The following PRKG1 variants were observed in gnomAD, a reference collection of about 807,000 sequenced individuals.
The protein encoded by PRKG1 is cGMP-dependent protein kinase 1.
A neutral mutation model predicts 88.1 loss-of-function variants in PRKG1; 35 were observed. The ratio of observed to expected loss-of-function variants is 0.40; its 90% CI spans 0.30 to 0.53. The LOEUF is 0.53. PRKG1 is among the 20% of genes least tolerant of loss of function. The pLI, the probability that PRKG1 is intolerant of heterozygous loss-of-function variation, is 0.59. For synonymous variants in PRKG1, 303 were observed against 292.5 expected, an observed-to-expected ratio of 1.04 and a Z score of -0.37; for missense variants, 540 against 839.8, an observed-to-expected ratio of 0.64 and a Z score of 4.41.
At chr10:52,217,466 C>T (rs1306352110) in intron 9 of PRKG1, among the ~76,000 whole-genome samples, 2 of 151,912 alleles carry the variant, frequency 1.3e-5, no homozygotes, top group South Asian at 2.1e-4. Context: ...TAAAGCAAAC[C>T]ACATCACTCT....
chr10:51,405,637 A>G (rs577024930), intron 2 of PRKG1, among the ~76,000 whole-genome samples: 1 of 152,324 alleles, frequency 6.6e-6, no homozygotes, highest in Admixed American at 6.5e-5. Flanking sequence ...AACTTTTACT[A>G]GGATCCAAAT....
At chr10:51,944,652 G>A (rs950573118) in intron 5 of PRKG1, among the ~76,000 whole-genome samples, 1 of 151,956 alleles carries the variant, frequency 6.6e-6, no homozygotes, top group Non-Finnish European at 1.5e-5. Context: ...CTGGTATGTT[G>A]TGTCTTTGTT....
rs979200222 is a variant in PRKG1, at chr10:51,743,594, C to G, written c.593-60991C>G. 3.4e-5 allele frequency among the ~76,000 whole-genome samples: 5 copies of G among 145,578 alleles called. No individual in the cohort carries two copies. The Admixed American group carries it at 3.5e-4, about 10-fold the overall frequency. ...CCAAAAATCATTTTTCTCTCTTCCTCTTTCTCTACCTTTATTTCTCCCCAC... is the reference window on the plus strand; with the variant it reads ...CCAAAAATCATTTTTCTCTCTTCCTGTTTCTCTACCTTTATTTCTCCCCAC... On this transcript the variant is annotated intron_variant, in intron 3 of 17. Coordinates refer to ENST00000373980, the MANE Select transcript of PRKG1 (RefSeq NM_006258.4).
intron 3 of PRKG1, among the ~76,000 whole-genome samples, chr10:51,613,589 A>G (rs968925321): frequency 4.0e-5 from 6 of 150,674 alleles, no homozygotes; most frequent in African/African-American, 1.5e-4. Flanking sequence ...TTTCTAGTTT[A>G]TTTGAAATTT....
At chr10:51,752,325 A>T (rs1402556170) in intron 3 of PRKG1, among the ~76,000 whole-genome samples, 2 of 152,202 alleles carry the variant, frequency 1.3e-5, no homozygotes, top group Non-Finnish European at 2.9e-5. Context: ...TGAAGTATGA[A>T]AACCTGTGCA....
intron 2 of PRKG1, among the ~76,000 whole-genome samples, chr10:51,423,016 G>T (rs905060288): frequency 4.7e-5 from 7 of 147,886 alleles, no homozygotes; most frequent in African/African-American, 1.7e-4. Context: ...AAACACCAAT[G>T]TACCGGTTCC....
intron 2 of PRKG1, among the ~76,000 whole-genome samples, chr10:51,314,974 A>G (rs1230158440): frequency 6.6e-6 from 1 of 152,224 alleles, no homozygotes; most frequent in Non-Finnish European, 1.5e-5. Context: ...TAATTAGTGT[A>G]AAAGTTGAAC....
intron 8 of PRKG1, among the ~76,000 whole-genome samples, chr10:52,142,016 C>G (rs1337595344): frequency 6.6e-6 from 1 of 152,100 alleles, no homozygotes; most frequent in Non-Finnish European, 1.5e-5. Flanking sequence ...CAGGTATACT[C>G]AAATCACACT....
rs184196554 is a variant in PRKG1 at position 52,085,798 on chromosome 10, T to C, written c.935+23167T>C. ...CCTCAGAATTCCTTCTTGTATCCCC[T>C]ATTTTATATTTGCATTCCCCCTTTC... is the stretch of plus-strand genomic sequence containing the variant. On this transcript the variant is annotated intron_variant, in intron 7 of 17. Coordinates refer to ENST00000373980, the MANE Select transcript of PRKG1 (RefSeq NM_006258.4). Among the ~76,000 whole-genome samples, 1,009 of 152,262 alleles carry C rather than the reference T, an allele frequency of 6.6e-3. 4 individuals carry two copies. Among genetic ancestry groups the C allele is most frequent in the Non-Finnish European group, 9.5e-3 (646 of 68,010 alleles).
intron 9 of PRKG1, among the ~76,000 whole-genome samples, chr10:52,227,432 C>T (rs1003199409): frequency 3.3e-5 from 5 of 152,066 alleles, no homozygotes; most frequent in Admixed American, 3.3e-4. Flanking sequence ...TTCTATTATT[C>T]CCTAAACAAC....
At chr10:51,126,799 A>C (rs1245066400) in intron 1 of PRKG1, among the ~76,000 whole-genome samples, 1 of 152,118 alleles carries the variant, frequency 6.6e-6, no homozygotes, top group Non-Finnish European at 1.5e-5. Context: ...AGACCTCAGA[A>C]ATAACACTAC....
chr10:51,396,815 A>G (rs1405783045), intron 2 of PRKG1, among the ~76,000 whole-genome samples: 1 of 152,234 alleles, frequency 6.6e-6, no homozygotes, highest in Non-Finnish European at 1.5e-5. Flanking sequence ...GTTTGATTCC[A>G]GAGGGTATGT....
intron 9 of PRKG1, among the ~76,000 whole-genome samples, chr10:52,189,717 T>C (rs1434443792): frequency 6.6e-6 from 1 of 152,202 alleles, no homozygotes; most frequent in Non-Finnish European, 1.5e-5. Context: ...AGACCCCTCA[T>C]GCTCTGGTGG....
chr10:51,587,585 G>C (rs1838204732), intron 3 of PRKG1, among the ~76,000 whole-genome samples: 1 of 152,146 alleles, frequency 6.6e-6, no homozygotes, highest in Non-Finnish European at 1.5e-5. Context: ...TTTGTATAGT[G>C]TTACTTTAGT....
At chr10:52,052,272 A>G (rs944405099) in intron 5 of PRKG1, among the ~76,000 whole-genome samples, 1 of 151,984 alleles carries the variant, frequency 6.6e-6, no homozygotes, top group South Asian at 2.1e-4. Context: ...CCTGACTCTA[A>G]GGCCCTCAGA....
rs1323482687 is a variant in PRKG1 at position 51,101,093 on chromosome 10, T to C, written c.311+26192T>C. 3.3e-5 allele frequency among the ~76,000 whole-genome samples: 5 copies of C among 152,188 alleles called. No homozygotes were observed. The East Asian group carries it at 9.7e-4, about 29-fold the overall frequency. On this transcript the variant is annotated intron_variant, in intron 1 of 17. Coordinates refer to ENST00000373980, the MANE Select transcript of PRKG1 (RefSeq NM_006258.4). ...TCCTGTTACTGAATATTTGTGTTTC[T>C]ACCCCACACGAGAATTCATAGGTTG... is the stretch of plus-strand genomic sequence containing the variant.
At chr10:52,194,880 C>T (rs1458384076) in intron 9 of PRKG1, among the ~76,000 whole-genome samples, 3 of 152,100 alleles carry the variant, frequency 2.0e-5, no homozygotes, top group East Asian at 1.9e-4. Context: ...TAAAACAGAA[C>T]CTTTTACTAT....
chr10:51,455,683 C>T (rs1321094439), intron 2 of PRKG1, among the ~76,000 whole-genome samples: 6 of 152,204 alleles, frequency 3.9e-5, no homozygotes, highest in Middle Eastern at 3.2e-3. Context: ...ATTCCCAACA[C>T]GTTCCTCATC....
chr10:52,001,943 T>C (rs1023132418), intron 5 of PRKG1, among the ~76,000 whole-genome samples: 2 of 152,056 alleles, frequency 1.3e-5, no homozygotes, highest in Non-Finnish European at 2.9e-5. Context: ...GGGCTGATTC[T>C]CTTCCTTTGG....
Sources: allele counts gnomAD v4.1 joint callset (sites outside exome capture counted in the v4.1 genomes callset), GRCh38; gene constraint gnomAD v4.1.1; transcripts MANE v1.5; gene names NCBI Gene and HGNC (gene_info 2026-07-23, HGNC 2026-07-21).